The following ADAMTSL3 variants were observed in gnomAD, a reference collection of about 807,000 sequenced individuals.
The protein encoded by ADAMTSL3 is ADAMTS like 3.
Under a neutral mutation model 201.7 loss-of-function variants are expected in ADAMTSL3, and 128 were observed. The observed-to-expected ratio is 0.63, with a 90% confidence interval of 0.55 to 0.73. The LOEUF is 0.73. ADAMTSL3 is among the 30% of genes least tolerant of loss of function. The probability of loss-of-function intolerance (pLI) is 0.00; values close to 1 mark genes in which losing one functional copy is unlikely to be tolerated. For missense variants in ADAMTSL3, 1,990 were observed against 2,119.6 expected (o/e 0.94, Z 1.20); for synonymous variants, 738 against 748.4 (o/e 0.99, Z 0.23).
At chr15:83,674,696 C>CAT (rs1382730587) in intron 2 of ADAMTSL3, among the ~76,000 whole-genome samples, 4 of 147,010 alleles carry the variant, frequency 2.7e-5, no homozygotes, top group Non-Finnish European at 6.0e-5. Flanking sequence ...CATATATACA[C>CAT]ATATATATAC....
At chr15:83,993,241 C>G (rs973060824) in intron 23 of ADAMTSL3, among the ~76,000 whole-genome samples, 1 of 152,182 alleles carries the variant, frequency 6.6e-6, no homozygotes, top group Non-Finnish European at 1.5e-5. Context: ...AGTCTTGTCA[C>G]TAGCTAGTAT....
intron 19 of ADAMTSL3, among the ~76,000 whole-genome samples, chr15:83,963,283 C>A (rs1046620598): frequency 2.0e-5 from 3 of 152,210 alleles, no homozygotes; most frequent in Non-Finnish European, 4.4e-5. Flanking sequence ...GCCAGTACAG[C>A]AGTGCGAAGT....
chr15:83,835,130 A>T (rs900305317), intron 6 of ADAMTSL3, among the ~76,000 whole-genome samples: 1 of 149,886 alleles, frequency 6.7e-6, no homozygotes, highest in African/African-American at 2.5e-5. Context: ...GCTACTCGGG[A>T]GGCTGAGGCA....
chr15:83,752,412 C>T (rs891362956), intron 3 of ADAMTSL3, among the ~76,000 whole-genome samples: 3 of 152,082 alleles, frequency 2.0e-5, no homozygotes, highest in Non-Finnish European at 2.9e-5. Flanking sequence ...ATGATTAAAT[C>T]TAATAAATGA....
At chr15:83,861,695 ACT>A (rs2064865705) in intron 8 of ADAMTSL3, 1 of 152,298 alleles carries the variant, frequency 6.6e-6, no homozygotes, top group African/African-American at 2.4e-5. Context: ...AAAACTGGAA[ACT>A]CTAAAAATCA....
chr15:83,970,627 T>C lies in ADAMTSL3; in HGVS notation c.2634T>C (p.Pro878=). 1 of 1,614,196 alleles carries C rather than the reference T, an allele frequency of 6.2e-7. No homozygotes were observed. The highest frequency in any genetic ancestry group is 2.2e-5 in the East Asian group (1 of 44,880). The change falls in exon 20 of 30, where the codon CCT becomes CCC. Residue 878 remains proline, a synonymous_variant. Transcript: ENST00000286744. ...GLPLVRSCQM[P]ECSKIKSEMK... Reference sequence around the variant, plus strand: ...CTCTTGTAAGATCTTGCCAGATGCCTGAGTGCAGTAGTAAGTATGCGGTGT... The same window carrying C: ...CTCTTGTAAGATCTTGCCAGATGCCCGAGTGCAGTAGTAAGTATGCGGTGT...
At chr15:84,031,136 C>T (rs1482450292) in intron 27 of ADAMTSL3, among the ~76,000 whole-genome samples, 199 bp from the exon 28 acceptor site, 1 of 152,136 alleles carries the variant, frequency 6.6e-6, no homozygotes, top group African/African-American at 2.4e-5. Context: ...TAAGCTTAGG[C>T]AGTTTCTTCC....
intron 23 of ADAMTSL3, among the ~76,000 whole-genome samples, chr15:84,012,841 A>G (rs1166802868): frequency 6.6e-6 from 1 of 152,242 alleles, no homozygotes; most frequent in Non-Finnish European, 1.5e-5. Context: ...GAAAACTTCA[A>G]ATAGTATATC....
intron 4 of ADAMTSL3, among the ~76,000 whole-genome samples, chr15:83,779,084 C>T (rs62025779): frequency 0.023 from 3,472 of 152,294 alleles, 59 homozygotes; most frequent in Non-Finnish European, 0.034. Flanking sequence ...TATATATGCA[C>T]CCAACACAGC....
intron 3 of ADAMTSL3, among the ~76,000 whole-genome samples, chr15:83,770,785 A>G (rs954152149): frequency 3.3e-5 from 5 of 152,278 alleles, no homozygotes; most frequent in African/African-American, 1.2e-4. Flanking sequence ...AAAACACAAA[A>G]CACGCCGGGC....
At chr15:83,884,979 A>G (rs1053174864) in intron 9 of ADAMTSL3, 122 bp from the exon 10 acceptor site, 2 of 635,058 alleles carry the variant, frequency 3.1e-6, no homozygotes, top group East Asian at 2.8e-5. Context: ...CTCTTGCCCC[A>G]TAGTTTTTCT....
At chr15:83,817,506 A>G (rs2063788401) in intron 5 of ADAMTSL3, among the ~76,000 whole-genome samples, 2 of 152,230 alleles carry the variant, frequency 1.3e-5, no homozygotes, top group African/African-American at 2.4e-5. Context: ...GGAAATATTA[A>G]TAGAGCTGAC....
chr15:83,660,434 A>G (rs1394360604), intron 2 of ADAMTSL3, among the ~76,000 whole-genome samples: 1 of 152,172 alleles, frequency 6.6e-6, no homozygotes, highest in Admixed American at 6.5e-5. Context: ...CCTGACTCTG[A>G]CATGGCACAT....
intron 17 of ADAMTSL3, among the ~76,000 whole-genome samples, chr15:83,935,622 A>G (rs1376550981): frequency 1.3e-5 from 2 of 152,266 alleles, no homozygotes; most frequent in African/African-American, 4.8e-5. Flanking sequence ...TCTCAAAGTC[A>G]GAGATATAGA....
Position 83,838,216 on chromosome 15 carries a change from G to A in ADAMTSL3, c.727+1G>A, listed in dbSNP as rs751470588. 6.4e-5 allele frequency: 103 copies of A among 1,612,048 alleles called. No individual in the cohort carries two copies. The highest frequency in any genetic ancestry group is 8.6e-5 in the Non-Finnish European group (102 of 1,179,224). On this transcript the variant is annotated splice_donor_variant, in intron 7 of 29. Coordinates refer to ENST00000286744, the MANE Select transcript of ADAMTSL3 (RefSeq NM_207517.3). LOFTEE classifies it high-confidence loss of function. ...AAGTCACACGTTTCTCCTGAAAAAA[G>A]TAGGTTTTAAACCCAATACGTTATT...
chr15:83,923,812 G>C, intron 16 of ADAMTSL3, 92 bp from the exon 17 acceptor site: 1 of 1,470,754 alleles, frequency 6.8e-7, no homozygotes, highest in Non-Finnish European at 9.3e-7. Flanking sequence ...AGGGCAGTAT[G>C]CTAAGAATGA....
intron 13 of ADAMTSL3, among the ~76,000 whole-genome samples, chr15:83,895,411 C>T (rs73441340): frequency 2.6e-4 from 40 of 152,306 alleles, no homozygotes; most frequent in African/African-American, 8.7e-4. Context: ...ATATCACTCT[C>T]CATCCCCATA....
At chr15:83,764,918 C>G (rs756166570) in intron 3 of ADAMTSL3, among the ~76,000 whole-genome samples, 1 of 152,086 alleles carries the variant, frequency 6.6e-6, no homozygotes, top group Non-Finnish European at 1.5e-5. Context: ...AGGGCACAAA[C>G]AGCCTAGAGG....
At chr15:84,019,913 AAAC>A (rs2068166162) in intron 25 of ADAMTSL3, among the ~76,000 whole-genome samples, 1 of 148,988 alleles carries the variant, frequency 6.7e-6, no homozygotes, top group South Asian at 2.1e-4. Flanking sequence ...AAAAAAAAAG[AAAC>A]CAAATACACA....
Sources: allele counts gnomAD v4.1 joint callset (sites outside exome capture counted in the v4.1 genomes callset), GRCh38; gene constraint gnomAD v4.1.1; transcripts MANE v1.5; gene names NCBI Gene and HGNC (gene_info 2026-07-23, HGNC 2026-07-21).